Variants in TEKT5 observed in about 807,000 individuals in gnomAD.
TEKT5 encodes the protein tektin-5.
A neutral mutation model predicts 48.7 loss-of-function variants in TEKT5; 52 were observed. That is an observed-to-expected ratio of 1.07 (90% CI 0.86 to 1.35). The LOEUF (loss-of-function observed/expected upper bound fraction) is 1.35. Ranked by LOEUF, TEKT5 falls within the 40% of genes most tolerant of loss-of-function variation. TEKT5 has a pLI of 0.00. For missense variants in TEKT5, 831 were observed against 641.6 expected (o/e 1.30, Z -3.19); for synonymous variants, 318 against 267.6 (o/e 1.19, Z -1.84).
intron 1 of TEKT5, among the ~76,000 whole-genome samples, chr16:10,692,440 G>T (rs143466755): frequency 3.3e-5 from 5 of 152,260 alleles, no homozygotes; most frequent in Non-Finnish European, 5.9e-5. Context: ...AGGCTTCCAG[G>T]CAAGAGGTCC....
At position 10,652,908 on chromosome 16, in the gene TEKT5, G is replaced by A. The variant is rs184998195; in HGVS notation, c.1087-16990C>T. On this transcript the variant is annotated intron_variant, in intron 5 of 6. Coordinates refer to ENST00000283025, the MANE Select transcript of TEKT5 (RefSeq NM_144674.2). ...GTAGAGCGATCCCTTATATACACAGGCAGAGACACACACACACACCCTCCC... is the reference window on the plus strand; with the variant it reads ...GTAGAGCGATCCCTTATATACACAGACAGAGACACACACACACACCCTCCC... 1.0e-3 allele frequency among the ~76,000 whole-genome samples: 143 copies of A among 136,788 alleles called. 3 individuals carry two copies. The highest frequency in any genetic ancestry group is 9.0e-4 in the Admixed American group (12 of 13,394). The allele number at this position is 136,788 out of a possible 152,430, so 89.7% of individuals were successfully genotyped here.
intron 4 of TEKT5, among the ~76,000 whole-genome samples, chr16:10,679,186 T>C (rs1386801080): frequency 6.6e-6 from 1 of 152,126 alleles, no homozygotes; most frequent in Non-Finnish European, 1.5e-5. Flanking sequence ...AAATGTTTAT[T>C]ATTCATGAGA....
At chr16:10,650,526 C>T (rs1353822287) in intron 5 of TEKT5, among the ~76,000 whole-genome samples, 1 of 152,122 alleles carries the variant, frequency 6.6e-6, no homozygotes, top group African/African-American at 2.4e-5. Flanking sequence ...AAAAACATGC[C>T]CCTTAACATC....
At chr16:10,687,677 T>G (rs1054274985) in intron 3 of TEKT5, among the ~76,000 whole-genome samples, 1 of 152,252 alleles carries the variant, frequency 6.6e-6, no homozygotes, top group Non-Finnish European at 1.5e-5. Flanking sequence ...CGCATGAATC[T>G]GGGAGGTGGA....
intron 5 of TEKT5, among the ~76,000 whole-genome samples, chr16:10,652,098 C>A (rs759735139): frequency 6.6e-6 from 1 of 152,232 alleles, no homozygotes; most frequent in Non-Finnish European, 1.5e-5. Flanking sequence ...GGATCATAAT[C>A]ATTCCTAGTC....
intron 5 of TEKT5, among the ~76,000 whole-genome samples, chr16:10,672,083 T>C (rs562128615): frequency 2.5e-4 from 38 of 152,218 alleles, no homozygotes; most frequent in African/African-American, 7.9e-4. Context: ...TGGAGATGGA[T>C]TGTGGTGATG....
At chr16:10,674,675 T>G (rs1275577828) in intron 5 of TEKT5, among the ~76,000 whole-genome samples, 1 of 150,694 alleles carries the variant, frequency 6.6e-6, no homozygotes, top group African/African-American at 2.4e-5. Flanking sequence ...AAACTTTATT[T>G]ATTTATTTTA....
At chr16:10,693,433 T>C (rs980988500) in intron 1 of TEKT5, among the ~76,000 whole-genome samples, 3 of 152,352 alleles carry the variant, frequency 2.0e-5, no homozygotes, top group Admixed American at 6.5e-5. Context: ...CATGTATTTA[T>C]TGAATGCCTA....
intron 6 of TEKT5, among the ~76,000 whole-genome samples, chr16:10,634,322 C>T (rs945889269): frequency 6.6e-6 from 1 of 152,138 alleles, no homozygotes. Context: ...AAATAATATG[C>T]CCAAGGAAGC....
chr16:10,677,810 C>G (rs1057347761), intron 4 of TEKT5, among the ~76,000 whole-genome samples: 5 of 135,086 alleles, frequency 3.7e-5, no homozygotes, highest in African/African-American at 1.4e-4. Context: ...GGTACCCCTC[C>G]TCCAGGCTGA....
intron 4 of TEKT5, among the ~76,000 whole-genome samples, chr16:10,680,455 G>C (rs1567234844): frequency 8.9e-6 from 1 of 112,258 alleles, no homozygotes; most frequent in African/African-American, 4.1e-5. Context: ...TATGTGCTAG[G>C]GATTTTTTTT....
Position 10,675,998 on chromosome 16 carries a change from C to T in TEKT5, c.1047G>A (p.Val349=), listed in dbSNP as rs370903390. Residue 349 remains valine (V), a synonymous_variant, in exon 5 of 7, where the codon GTG becomes GTA. Transcript: ENST00000283025. The part of the protein sequence containing the change: ...NLAFNARISE[V]TDVKNKLQTQ... ...TCTGCAGCTTATTCTTCACATCCGT[C>T]ACCTCAGAGATGCGGGCGTTGAAGG... 6.2e-7 allele frequency: 1 copy of T among 1,614,208 alleles called. No individual in the cohort carries two copies. The highest frequency in any genetic ancestry group is 8.5e-7 in the Non-Finnish European group (1 of 1,180,040).
At chr16:10,643,495 T>C (rs1012903756) in intron 5 of TEKT5, among the ~76,000 whole-genome samples, 4 of 152,222 alleles carry the variant, frequency 2.6e-5, no homozygotes, top group African/African-American at 9.6e-5. Context: ...CACATACTAT[T>C]CATGCTATAG....
At chr16:10,650,604 G>A (rs1898139702) in intron 5 of TEKT5, among the ~76,000 whole-genome samples, 1 of 139,088 alleles carries the variant, frequency 7.2e-6, no homozygotes, top group African/African-American at 2.9e-5. Flanking sequence ...GCCACATCTG[G>A]CCAGGTGGGT....
intron 2 of TEKT5, 38 bp from the exon 3 acceptor site, chr16:10,689,361 G>T: frequency 6.5e-7 from 1 of 1,536,632 alleles, no homozygotes; most frequent in South Asian, 1.1e-5. Context: ...GTGCCTCTTA[G>T]AACCTCACAG....
chr16:10,666,339 C>T (rs938404161), intron 5 of TEKT5, among the ~76,000 whole-genome samples: 1 of 152,180 alleles, frequency 6.6e-6, no homozygotes, highest in African/African-American at 2.4e-5. Context: ...TCCTGTTCCT[C>T]GGTGGTGCCT....
chr16:10,639,758 A>G (rs190609092), intron 5 of TEKT5, among the ~76,000 whole-genome samples: 1 of 152,332 alleles, frequency 6.6e-6, no homozygotes, highest in East Asian at 1.9e-4. Flanking sequence ...TGTCTCCACT[A>G]ACACACCTCA....
chr16:10,694,563 C>G lies in TEKT5; in HGVS notation c.311G>C (p.Gly104Ala). ...WDQSNQLQVRGAEASRLWASR... is the reference protein window; with the variant it reads ...WDQSNQLQVRAAEASRLWASR... The stretch of plus-strand genomic sequence containing the variant: ...GGCCCACAGCCGGGAGGCCTCGGCC[C>G]CACGCACCTGCAGCTGGTTGGACTG... Residue 104 changes from glycine to alanine, a missense_variant, in exon 1 of 7, where the codon GGG becomes GCG. By Grantham distance (60) the Gly-to-Ala change is moderately conservative. Coordinates refer to ENST00000283025, the MANE Select transcript of TEKT5 (RefSeq NM_144674.2). The G allele has an allele frequency of 1.2e-6, 2 of 1,602,914 alleles. No individual in the cohort carries two copies. Among genetic ancestry groups the G allele is most frequent in the South Asian group, 2.2e-5 (2 of 89,136 alleles).
At chr16:10,642,337 G>A (rs2719631) in intron 5 of TEKT5, among the ~76,000 whole-genome samples, 44,816 of 151,910 alleles carry the variant, frequency 0.3, 8,417 homozygotes, top group African/African-American at 0.51. Flanking sequence ...CCAGGCCACA[G>A]TACACCTGCT....
Sources: allele counts gnomAD v4.1 joint callset (sites outside exome capture counted in the v4.1 genomes callset), GRCh38; gene constraint gnomAD v4.1.1; transcripts MANE v1.5; gene names NCBI Gene and HGNC (gene_info 2026-07-23, HGNC 2026-07-21).